Variants in PTPRD observed in about 807,000 individuals in gnomAD.
PTPRD encodes the protein protein tyrosine phosphatase receptor type D.
A neutral mutation model predicts 214.5 loss-of-function variants in PTPRD; 34 were observed. The ratio of observed to expected loss-of-function variants is 0.16; its 90% CI spans 0.12 to 0.21. The LOEUF (loss-of-function observed/expected upper bound fraction) is 0.21. Among genes scored for constraint, PTPRD ranks in the 10% least tolerant of loss-of-function variants. The pLI is 1.00. For missense variants in PTPRD, 2,545 were observed against 2,398.7 expected (o/e 1.06, Z -1.27); for synonymous variants, 1,128 against 845.7 (o/e 1.33, Z -5.79).
At chr9:9,210,443 C>G (rs961831705) in intron 9 of PTPRD, among the ~76,000 whole-genome samples, 5 of 152,152 alleles carry the variant, frequency 3.3e-5, no homozygotes, top group African/African-American at 1.2e-4. Flanking sequence ...TGCCATGAAA[C>G]ATTTAAATAA....
At chr9:10,206,258 T>A (rs1457153048) in intron 3 of PTPRD, among the ~76,000 whole-genome samples, 1 of 152,138 alleles carries the variant, frequency 6.6e-6, no homozygotes, top group Non-Finnish European at 1.5e-5. Context: ...GAAAGCCAAG[T>A]AGTAGTAAAG....
intron 11 of PTPRD, among the ~76,000 whole-genome samples, chr9:8,826,011 G>C (rs1166212144): frequency 6.6e-6 from 1 of 152,098 alleles, no homozygotes; most frequent in Admixed American, 6.5e-5. Context: ...AGAATGCCTT[G>C]TCTGGGAAGG....
At chr9:9,557,229 G>T (rs542592685) in intron 8 of PTPRD, among the ~76,000 whole-genome samples, 2 of 152,052 alleles carry the variant, frequency 1.3e-5, no homozygotes, top group African/African-American at 2.4e-5. Context: ...ATGATGGAAG[G>T]GGGGAAGGGT....
chr9:10,367,841 T>C (rs1236296434), intron 2 of PTPRD, among the ~76,000 whole-genome samples: 3 of 152,106 alleles, frequency 2.0e-5, no homozygotes, highest in African/African-American at 7.2e-5. Context: ...AGGAAAGTAC[T>C]TTACCTCCTT....
At chr9:9,687,065 C>CA (rs1400174288) in intron 7 of PTPRD, among the ~76,000 whole-genome samples, 2 of 151,394 alleles carry the variant, frequency 1.3e-5, no homozygotes, top group Non-Finnish European at 3.0e-5. Flanking sequence ...GTGTAGTGTT[C>CA]AAAAAAGGTA....
chr9:10,470,245 T>C (rs952296047), intron 2 of PTPRD, among the ~76,000 whole-genome samples: 4 of 152,030 alleles, frequency 2.6e-5, no homozygotes, highest in African/African-American at 9.7e-5. Flanking sequence ...TATGTACAAC[T>C]ATTAGGTATC....
chr9:8,764,708 T>C (rs1221718277), intron 11 of PTPRD, among the ~76,000 whole-genome samples: 1 of 151,518 alleles, frequency 6.6e-6, no homozygotes, highest in Non-Finnish European at 1.5e-5. Flanking sequence ...GGCAGGAGAG[T>C]TGTTTGAACC....
intron 5 of PTPRD, among the ~76,000 whole-genome samples, chr9:9,847,080 C>G (rs942619896): frequency 6.6e-6 from 1 of 151,874 alleles, no homozygotes; most frequent in African/African-American, 2.4e-5. Flanking sequence ...ATTAAATTGC[C>G]AAGTAAAATT....
rs1000985485 is a variant in PTPRD at position 9,802,644 on chromosome 9, G to GT, written c.-367-35794dup. On this transcript the variant is annotated intron_variant, in intron 5 of 45. Coordinates refer to ENST00000381196, the MANE Select transcript of PTPRD (RefSeq NM_002839.4). The stretch of plus-strand genomic sequence containing the variant: ...ACACAAAGCCCAGGATGCTAGGAAC[G>GT]TTTTTTTTTAAAAAAAATTCAACTC... Among the ~76,000 whole-genome samples the GT allele has an allele frequency of 2.8e-3, 420 of 148,542 alleles. 1 individual carries two copies. Among genetic ancestry groups the GT allele is most frequent in the South Asian group, 4.7e-3 (22 of 4,726 alleles).
intron 2 of PTPRD, among the ~76,000 whole-genome samples, chr9:10,562,617 T>C (rs2064319946): frequency 6.6e-6 from 1 of 152,140 alleles, no homozygotes; most frequent in African/African-American, 2.4e-5. Context: ...TTCAGAAAGT[T>C]AATACGTCAT....
Position 9,353,477 on chromosome 9 carries a change from G to C in PTPRD, c.-203+43972C>G, listed in dbSNP as rs552507439. ...ATATGTCTCAGAGTAATTATTAGAAGGGCTGGGGCTGGGAGTCCACTTCTA... is the reference window on the plus strand; with the variant it reads ...ATATGTCTCAGAGTAATTATTAGAACGGCTGGGGCTGGGAGTCCACTTCTA... On this transcript the variant is annotated intron_variant, in intron 9 of 45. Transcript: ENST00000381196. Among the ~76,000 whole-genome samples, 14 of 151,890 alleles carry C rather than the reference G, an allele frequency of 9.2e-5. No homozygotes were observed. In the South Asian group the frequency reaches 2.9e-3, roughly 32 times the overall value.
Position 10,606,533 on chromosome 9 carries a change from C to CTTT in PTPRD, c.-600+5862_-600+5864dup, listed in dbSNP as rs34402701. ...CACTCCATTACTTCTTCTTTATTTT[C>CTTT]TTTTTTTTTTTTTCTGTTTCTGTGC... On this transcript the variant is annotated intron_variant, in intron 2 of 45. Coordinates refer to ENST00000381196, the MANE Select transcript of PTPRD (RefSeq NM_002839.4). Among the ~76,000 whole-genome samples the CTTT allele has an allele frequency of 1.2e-4, 17 of 143,512 alleles. No homozygotes were observed. In the East Asian group the frequency reaches 3.3e-3, roughly 27 times the overall value. The allele number at this position is 143,512 out of a possible 152,430, so 94.1% of individuals were successfully genotyped here.
intron 17 of PTPRD, 54 bp from the exon 18 acceptor site, chr9:8,525,089 G>C (rs762130224): frequency 6.9e-7 from 1 of 1,456,284 alleles, no homozygotes; most frequent in Non-Finnish European, 9.6e-7. Context: ...GGCTTTCTCA[G>C]TTCAGAAAGC....
chr9:9,539,859 T>C (rs1391959139), intron 8 of PTPRD, among the ~76,000 whole-genome samples: 2 of 151,840 alleles, frequency 1.3e-5, no homozygotes, highest in Non-Finnish European at 2.9e-5. Context: ...CATTTAGGAA[T>C]CCATTTTTTA....
intron 9 of PTPRD, among the ~76,000 whole-genome samples, chr9:9,184,668 A>G (rs1307010376): frequency 6.6e-6 from 1 of 152,068 alleles, no homozygotes; most frequent in African/African-American, 2.4e-5. Flanking sequence ...TGTTTGGTTT[A>G]TTAGATTTCC....
intron 5 of PTPRD, among the ~76,000 whole-genome samples, chr9:9,873,957 A>G (rs1342166560): frequency 1.3e-5 from 2 of 152,152 alleles, no homozygotes; most frequent in East Asian, 3.8e-4. Context: ...ATATTATTAT[A>G]TATAAAAGAA....
intron 3 of PTPRD, among the ~76,000 whole-genome samples, chr9:10,244,710 C>T (rs1353305951): frequency 6.6e-6 from 1 of 152,010 alleles, no homozygotes; most frequent in African/African-American, 2.4e-5. Flanking sequence ...AAAAAATTGG[C>T]TAAAGGAACT....
At chr9:9,351,914 T>C (rs914690188) in intron 9 of PTPRD, among the ~76,000 whole-genome samples, 3 of 151,994 alleles carry the variant, frequency 2.0e-5, no homozygotes, top group African/African-American at 7.2e-5. Flanking sequence ...GATTACATGA[T>C]TAGTCTGGAA....
At chr9:10,594,385 A>T (rs1323298550) in intron 2 of PTPRD, among the ~76,000 whole-genome samples, 1 of 152,018 alleles carries the variant, frequency 6.6e-6, no homozygotes, top group Non-Finnish European at 1.5e-5. Flanking sequence ...AAAAAGATAA[A>T]GCACCTATGA....
Sources: allele counts gnomAD v4.1 joint callset (sites outside exome capture counted in the v4.1 genomes callset), GRCh38; gene constraint gnomAD v4.1.1; transcripts MANE v1.5; gene names NCBI Gene and HGNC (gene_info 2026-07-23, HGNC 2026-07-21).